The following MYO15A variants were observed in gnomAD, a reference collection of about 807,000 sequenced individuals.
MYO15A encodes myosin XVA, also known as unconventional myosin-XV.
Under a neutral mutation model 394.6 loss-of-function variants are expected in MYO15A, and 308 were observed. That is an observed-to-expected ratio of 0.78 (90% CI 0.71 to 0.86). The LOEUF (loss-of-function observed/expected upper bound fraction) is 0.86, where lower values mean the gene tolerates loss of function less well. MYO15A is among the 40% of genes least tolerant of loss of function. The pLI, the probability that MYO15A is intolerant of heterozygous loss-of-function variation, is 0.00. For missense variants in MYO15A, 4,606 were observed against 4,799.1 expected, an observed-to-expected ratio of 0.96 and a Z score of 1.19; for synonymous variants, 1,957 against 2,003.8, an observed-to-expected ratio of 0.98 and a Z score of 0.62.
chr17:18,163,748 C>T lies in MYO15A; in HGVS notation c.9697C>T (p.Leu3233=), dbSNP rs2046808941. The change falls in exon 60 of 66, where the codon CTG becomes TTG. Residue 3233 remains leucine (L), a synonymous_variant. Transcript: ENST00000647165. The part of the protein sequence containing the change: ...HLKIKTCTVA[L]DVVEEICAEM... Reference sequence around the variant, plus strand: ...TCTTCCGCCCCACCCCCAGGTGGCCCTGGACGTGGTGGAAGAGATATGTGC... The same window carrying T: ...TCTTCCGCCCCACCCCCAGGTGGCCTTGGACGTGGTGGAAGAGATATGTGC... The T allele has an allele frequency of 6.2e-7, 1 of 1,613,092 alleles. No individual in the cohort carries two copies. The highest frequency in any genetic ancestry group is 2.2e-5 in the East Asian group (1 of 44,846).
Position 18,118,712 on chromosome 17 carries a change from G to T in MYO15A, c.-89G>T, listed in dbSNP as rs1281258234. 1.9e-6 allele frequency: 3 copies of T among 1,590,040 alleles called. No homozygotes were observed. Among genetic ancestry groups the T allele is most frequent in the East Asian group, 4.5e-5 (2 of 43,968 alleles). On this transcript the variant is annotated 5_prime_UTR_variant, in exon 2 of 66. Transcript: ENST00000647165. ...GCCCGAGGAGGCCGCGTGTCCAGCC[G>T]CGGGCAAGAGACAGAGCAGGTCCCT...
At position 18,166,528 on chromosome 17, in the gene MYO15A, A is replaced by C. The variant is rs555307333; in HGVS notation, c.9948+7A>C. On this transcript the variant is annotated splice_region_variant and intron_variant, in intron 61 of 65. Coordinates refer to ENST00000647165, the MANE Select transcript of MYO15A (RefSeq NM_016239.4). ...GACCATGCACTACAACCAGGTCAGC[A>C]CACGTAGGCTTCTCTGGACTCTGGG... The C allele has an allele frequency of 6.2e-7, 1 of 1,612,060 alleles. No homozygotes were observed. Among genetic ancestry groups the C allele is most frequent in the Non-Finnish European group, 8.5e-7 (1 of 1,180,012 alleles).
Position 18,136,408 on chromosome 17 carries a change from C to T in MYO15A, c.4597-9C>T, listed in dbSNP as rs117767901. 2.7e-5 allele frequency: 43 copies of T among 1,613,604 alleles called. No homozygotes were observed. In the East Asian group the frequency reaches 6.5e-4, roughly 24 times the overall value. ...CCTGATGTCACTCAAGGGCTGTGCC[C>T]GTCCCTAGGAGACAATGCGAGAGAA... On this transcript the variant is annotated splice_polypyrimidine_tract_variant and intron_variant, in intron 13 of 65. Coordinates refer to ENST00000647165, the MANE Select transcript of MYO15A (RefSeq NM_016239.4).
At chr17:18,126,261 A>T in intron 4 of MYO15A, 86 bp from the exon 5 acceptor site, 3 of 1,128,210 alleles carry the variant, frequency 2.7e-6, no homozygotes, top group Non-Finnish European at 4.0e-6. Context: ...GGATGGAAAC[A>T]GGGAGCCAGG....
intron 1 of MYO15A, among the ~76,000 whole-genome samples, chr17:18,111,748 G>A (rs549953442): frequency 6.6e-6 from 1 of 152,340 alleles, no homozygotes; most frequent in South Asian, 2.1e-4. Context: ...CTGTAGCAAT[G>A]ACGTTGGCAG....
At chr17:18,144,059 G>C in intron 28 of MYO15A, 59 bp downstream of exon 28, 1 of 1,610,062 alleles carries the variant, frequency 6.2e-7, no homozygotes, top group Non-Finnish European at 8.5e-7. Flanking sequence ...AATTAGAATG[G>C]ACATTGTCCT....
chr17:18,142,148 C>A lies in MYO15A; in HGVS notation c.5719C>A (p.Leu1907Ile), dbSNP rs1413194161. The change falls in exon 24 of 66, where the codon CTC becomes ATC. Residue 1907 changes from leucine to isoleucine, a missense_variant. This residue lies in a region of MYO15A where 2,776 missense variants were observed against 3,109.3 expected (regional missense o/e 0.89). Coordinates refer to ENST00000647165, the MANE Select transcript of MYO15A (RefSeq NM_016239.4). ...MREHVLNLAA[L>I]TLQRCLRGFF... The stretch of plus-strand genomic sequence containing the variant: ...AGAGCATGTCCTGAATCTGGCAGCC[C>A]TCACTCTGCAGCGCTGCCTCCGTGG... 1 of 1,613,818 alleles carries A rather than the reference C, an allele frequency of 6.2e-7. No homozygotes were observed. Among genetic ancestry groups the A allele is most frequent in the African/African-American group, 1.3e-5 (1 of 74,940 alleles).
rs941198515 is a variant in MYO15A, at chr17:18,156,170, G to A, written c.8460-25G>A. On this transcript the variant is annotated intron_variant, in intron 47 of 65. Transcript: ENST00000647165. ...AGGAGGGCATCCCTCTGGCAGGGGA[G>A]TCATGCCACCGGCCCATCCTCCAGC... The A allele has an allele frequency of 1.1e-5, 18 of 1,613,792 alleles. No individual in the cohort carries two copies. In the Middle Eastern group the frequency reaches 5.0e-4, roughly 44 times the overall value.
At position 18,144,482 on chromosome 17, in the gene MYO15A, T is replaced by G. The variant is rs1158704453; in HGVS notation, c.6178-15T>G. ...GTCCAGCTCTGTCTGCTCATGTGCC[T>G]GCCCTGTGTCTTAGGAACCTGCCTT... is the stretch of plus-strand genomic sequence containing the variant. On this transcript the variant is annotated splice_polypyrimidine_tract_variant and intron_variant, in intron 28 of 65. Coordinates refer to ENST00000647165, the MANE Select transcript of MYO15A (RefSeq NM_016239.4). 3 of 1,610,688 alleles carry G rather than the reference T, an allele frequency of 1.9e-6. No homozygotes were observed. In the African/African-American group the frequency reaches 4.0e-5, roughly 22 times the overall value.
At chr17:18,131,140 G>T in intron 8 of MYO15A, 99 bp from the exon 9 acceptor site, 1 of 1,115,556 alleles carries the variant, frequency 9.0e-7, no homozygotes, top group East Asian at 2.4e-5. Context: ...GGAGGTCCTT[G>T]GGAAGGCTCA....
chr17:18,133,066 G>A (rs534846996), intron 11 of MYO15A, among the ~76,000 whole-genome samples, 159 bp from the exon 12 acceptor site: 2 of 152,284 alleles, frequency 1.3e-5, no homozygotes, highest in Admixed American at 6.5e-5. Context: ...TATGAACTCC[G>A]TCCTCAGCCG....
chr17:18,163,268 CTCTT>C lies in MYO15A; in HGVS notation c.9642_9645del (p.Leu3215PhefsTer30), dbSNP rs756226697. On this transcript the variant is annotated frameshift_variant, in exon 59 of 66. Transcript: ENST00000647165. LOFTEE classifies it high-confidence loss of function. ...GGCAGGCCGCAGTTCCAAGAGGCAA[CTCTT>C]TCTTCTTCCTGGAGGCCTTGAACGC... 1 of 1,614,220 alleles carries C rather than the reference CTCTT, an allele frequency of 6.2e-7. No homozygotes were observed.
At chr17:18,128,797 G>A (rs1597773336) in intron 7 of MYO15A, among the ~76,000 whole-genome samples, 1 of 152,102 alleles carries the variant, frequency 6.6e-6, no homozygotes, top group African/African-American at 2.4e-5. Flanking sequence ...GGAGTGAGGT[G>A]GTGCAGGAGC....
rs1395985749 is a variant in MYO15A at position 18,163,286 on chromosome 17, G to A, written c.9655G>A (p.Gly3219Ser). 1 of 1,614,096 alleles carries A rather than the reference G, an allele frequency of 6.2e-7. No individual in the cohort carries two copies. The highest frequency in any genetic ancestry group is 1.3e-5 in the African/African-American group (1 of 74,930). ...GAGGCAACTCTTTCTTCTTCCTGGA[G>A]GCCTTGAACGCCATCTCAAAATCAA... Reference protein sequence around the residue: ...SKRQLFLLPGGLERHLKIKTC... With the variant: ...SKRQLFLLPGSLERHLKIKTC... The change falls in exon 59 of 66, where the codon GGC becomes AGC. Residue 3219 changes from glycine (G) to serine (S), a missense_variant. By Grantham distance (56) the Gly-to-Ser change is moderately conservative. Transcript: ENST00000647165.
At chr17:18,175,949 G>T (rs2142443307) in intron 65 of MYO15A, among the ~76,000 whole-genome samples, 1 of 152,078 alleles carries the variant, frequency 6.6e-6, no homozygotes, top group East Asian at 1.9e-4. Flanking sequence ...TGGGCCCTCT[G>T]CCCTCACTGT....
In MYO15A at chr17:18,157,357, C is replaced by T; in HGVS notation, c.8788+127C>T. On this transcript the variant is annotated intron_variant, in intron 50 of 65. Coordinates refer to ENST00000647165, the MANE Select transcript of MYO15A (RefSeq NM_016239.4). ...CTGGGCTGGTCAGGTCTCCTAAGGTCCAGCCGTGGCCTGTCAGTATCTGTT... is the reference window on the plus strand; with the variant it reads ...CTGGGCTGGTCAGGTCTCCTAAGGTTCAGCCGTGGCCTGTCAGTATCTGTT... The T allele has an allele frequency of 2.3e-6, 3 of 1,290,430 alleles. No homozygotes were observed. The South Asian group carries it at 3.8e-5, about 17-fold the overall frequency. The allele number at this position is 1,290,430 out of a possible 1,614,324, so 79.9% of individuals were successfully genotyped here. A position where few individuals can be genotyped will look rare whatever the true frequency, so the allele number is the denominator to read the frequency against.
At position 18,119,788 on chromosome 17, in the gene MYO15A, G is replaced by A. The variant is rs981927941; in HGVS notation, c.988G>A (p.Asp330Asn). The A allele has an allele frequency of 1.2e-6, 2 of 1,613,056 alleles. No individual in the cohort carries two copies. Among genetic ancestry groups the A allele is most frequent in the Non-Finnish European group, 1.7e-6 (2 of 1,179,986 alleles). Reference protein sequence around the residue: ...SGYSSPYSYHDGYEGEAHPYG... With the variant: ...SGYSSPYSYHNGYEGEAHPYG... ...GTACTCGTCTCCTTACAGCTACCACGATGGGTACGAGGGCGAGGCGCACCC... is the reference window on the plus strand; with the variant it reads ...GTACTCGTCTCCTTACAGCTACCACAATGGGTACGAGGGCGAGGCGCACCC... The change falls in exon 2 of 66, where the codon GAT (aspartate) becomes AAT (asparagine). Residue 330 changes from aspartate (D) to asparagine (N), a missense_variant. Around this residue, in one of 2 missense-constraint regions of MYO15A, gnomAD observed 1,830 missense variants for 1,689.7 expected, o/e 1.08. Coordinates refer to ENST00000647165, the MANE Select transcript of MYO15A (RefSeq NM_016239.4).
chr17:18,158,771 C>A, intron 52 of MYO15A, 133 bp downstream of exon 52: 1 of 1,380,620 alleles, frequency 7.2e-7, no homozygotes, highest in Non-Finnish European at 1.0e-6. Flanking sequence ...AGGTGTGAGG[C>A]TCATTTCAGT....
chr17:18,167,630 C>A lies in MYO15A; in HGVS notation c.9989C>A (p.Pro3330Gln). The A allele has an allele frequency of 1.9e-6, 3 of 1,603,764 alleles. No individual in the cohort carries two copies. The highest frequency in any genetic ancestry group is 2.5e-6 in the Non-Finnish European group (3 of 1,179,940). Reference sequence around the variant, plus strand: ...CTGAAGGGACTCTTCAGCAGTGTGCCGGCCAGCCGGCCCAGCGAGCAGCTG... The same window carrying A: ...CTGAAGGGACTCTTCAGCAGTGTGCAGGCCAGCCGGCCCAGCGAGCAGCTG... The part of the protein sequence containing the change: ...DYLKGLFSSV[P>Q]ASRPSEQLLQ... Residue 3330 changes from proline (P) to glutamine (Q), a missense_variant, in exon 62 of 66, where the codon CCG (proline) becomes CAG (glutamine). Coordinates refer to ENST00000647165, the MANE Select transcript of MYO15A (RefSeq NM_016239.4).
Sources: allele counts gnomAD v4.1 joint callset (sites outside exome capture counted in the v4.1 genomes callset), GRCh38; gene constraint gnomAD v4.1.1; regional missense constraint gnomAD v4.1.1; transcripts MANE v1.5; gene names NCBI Gene and HGNC (gene_info 2026-07-23, HGNC 2026-07-21).